Variants in GRID2 observed in about 807,000 individuals in gnomAD.
GRID2 encodes the protein glutamate receptor ionotropic, delta-2.
A neutral mutation model predicts 114.8 loss-of-function variants in GRID2; 33 were observed. The ratio of observed to expected loss-of-function variants is 0.29; its 90% CI spans 0.22 to 0.38. GRID2 has a LOEUF of 0.38. Among genes scored for constraint, GRID2 ranks in the 10% least tolerant of loss-of-function variants. The pLI, the probability that GRID2 is intolerant of heterozygous loss-of-function variation, is 1.00. For missense variants in GRID2, 1,184 were observed against 1,257.7 expected (o/e 0.94, Z 0.89); for synonymous variants, 505 against 449.9 (o/e 1.12, Z -1.55).
At chr4:92,878,398 G>T (rs748793948) in intron 2 of GRID2, among the ~76,000 whole-genome samples, 1 of 151,958 alleles carries the variant, frequency 6.6e-6, no homozygotes, top group African/African-American at 2.4e-5. Flanking sequence ...ACATTTCATC[G>T]ACTTCAATAA....
chr4:92,401,161 T>G (rs1730770478), intron 1 of GRID2, among the ~76,000 whole-genome samples: 1 of 152,178 alleles, frequency 6.6e-6, no homozygotes, highest in African/African-American at 2.4e-5. Context: ...ACAATTTGCC[T>G]AATCCAAGGT....
At chr4:92,777,785 C>A (rs1368149212) in intron 2 of GRID2, among the ~76,000 whole-genome samples, 1 of 150,460 alleles carries the variant, frequency 6.6e-6, no homozygotes, top group Non-Finnish European at 1.5e-5. Context: ...TGGCCATCTG[C>A]AAGCTGAGGG....
intron 1 of GRID2, among the ~76,000 whole-genome samples, chr4:92,348,848 A>C (rs1462713924): frequency 6.6e-6 from 1 of 152,186 alleles, no homozygotes; most frequent in African/African-American, 2.4e-5. Context: ...TATAGTAGAA[A>C]GAAATTTAAT....
At chr4:92,628,529 T>G (rs986630258) in intron 2 of GRID2, among the ~76,000 whole-genome samples, 2 of 152,106 alleles carry the variant, frequency 1.3e-5, no homozygotes, top group Admixed American at 1.3e-4. Context: ...AGCTAATTTT[T>G]TGTATTTTAG....
At chr4:93,215,786 CA>C (rs1180190017) in intron 5 of GRID2, among the ~76,000 whole-genome samples, 4 of 151,994 alleles carry the variant, frequency 2.6e-5, no homozygotes, top group Admixed American at 1.3e-4. Flanking sequence ...TGTTTTCTTT[CA>C]TTTTTTTTGT....
rs1164174149 is a variant in GRID2 at position 92,897,503 on chromosome 4, A to G, written c.245-187492A>G. 3.9e-5 allele frequency among the ~76,000 whole-genome samples: 6 copies of G among 152,028 alleles called. No individual in the cohort carries two copies. The East Asian group carries it at 1.2e-3, about 29-fold the overall frequency. On this transcript the variant is annotated intron_variant, in intron 2 of 15. Transcript: ENST00000282020. ...ATCTATTTCCCTTTTTTGTCACTCT[A>G]CTTTCTTTCAGAATCTTTCCATGCC...
At chr4:92,973,290 C>T (rs1044272160) in intron 2 of GRID2, among the ~76,000 whole-genome samples, 2 of 152,004 alleles carry the variant, frequency 1.3e-5, no homozygotes, top group Non-Finnish European at 2.9e-5. Context: ...ATTTTCCCAC[C>T]TTGATGTTTA....
intron 1 of GRID2, among the ~76,000 whole-genome samples, chr4:92,444,176 C>T (rs540315631): frequency 6.8e-4 from 103 of 152,294 alleles, no homozygotes; most frequent in Non-Finnish European, 1.3e-3. Flanking sequence ...CAAGGGAGGT[C>T]CCCCGATCCG....
intron 13 of GRID2, among the ~76,000 whole-genome samples, chr4:93,557,397 A>C (rs867120964): frequency 6.6e-6 from 1 of 152,204 alleles, no homozygotes; most frequent in African/African-American, 2.4e-5. Context: ...AGGAATATTT[A>C]CCAAGCAAAT....
chr4:92,597,453 A>G (rs1238476889), intron 2 of GRID2, among the ~76,000 whole-genome samples: 1 of 152,124 alleles, frequency 6.6e-6, no homozygotes, highest in Non-Finnish European at 1.5e-5. Flanking sequence ...TTGTGCTTCG[A>G]GGACTTTTAC....
At chr4:92,892,145 C>A (rs1422993212) in intron 2 of GRID2, among the ~76,000 whole-genome samples, 1 of 151,762 alleles carries the variant, frequency 6.6e-6, no homozygotes, top group Non-Finnish European at 1.5e-5. Context: ...CTCACTGCAA[C>A]CTCCGCCTCC....
chr4:93,793,909 A>C (rs10516944), intron 1 of GRID2, among the ~76,000 whole-genome samples: 5,927 of 152,308 alleles, frequency 0.039, 162 homozygotes, highest in Non-Finnish European at 0.061. Context: ...TGAGATTAAA[A>C]AGGGTGAAAT....
intron 2 of GRID2, among the ~76,000 whole-genome samples, chr4:92,768,108 A>G (rs1293537570): frequency 6.6e-6 from 1 of 152,184 alleles, no homozygotes; most frequent in Non-Finnish European, 1.5e-5. Flanking sequence ...TGAAAATAAA[A>G]TCTTTATCAA....
intron 13 of GRID2, among the ~76,000 whole-genome samples, chr4:93,614,142 G>A (rs1415707850): frequency 1.3e-5 from 2 of 152,170 alleles, no homozygotes; most frequent in African/African-American, 4.8e-5. Flanking sequence ...CGCTTCCCAG[G>A]TGAGGCAATG....
At chr4:93,809,798 T>G (rs751638698) in exon 2 of GRID2, 1 of 152,142 alleles carries the variant, frequency 6.6e-6, no homozygotes, top group Non-Finnish European at 1.5e-5. Context: ...GGCTATAATA[T>G]TAAAAGTTAA....
At chr4:93,117,238 A>G (rs562998626) in intron 4 of GRID2, among the ~76,000 whole-genome samples, 2 of 152,166 alleles carry the variant, frequency 1.3e-5, no homozygotes, top group African/African-American at 4.8e-5. Context: ...ATGTGTATTT[A>G]TGTTGCCTTG....
At chr4:93,688,819 T>C (rs1396369114) in intron 14 of GRID2, among the ~76,000 whole-genome samples, 1 of 152,072 alleles carries the variant, frequency 6.6e-6, no homozygotes, top group Non-Finnish European at 1.5e-5. Flanking sequence ...TCACTCATGA[T>C]CTTATAGCAA....
At chr4:92,682,176 A>T (rs1168393087) in intron 2 of GRID2, among the ~76,000 whole-genome samples, 1 of 152,278 alleles carries the variant, frequency 6.6e-6, no homozygotes, top group East Asian at 1.9e-4. Context: ...TTCAACATGA[A>T]TCTTGTTAAA....
intron 4 of GRID2, among the ~76,000 whole-genome samples, chr4:93,142,599 C>A (rs1209985852): frequency 1.3e-5 from 2 of 152,164 alleles, no homozygotes; most frequent in African/African-American, 4.8e-5. Flanking sequence ...TTGGAGATGA[C>A]ACAAACCCTC....
Sources: allele counts gnomAD v4.1 joint callset (sites outside exome capture counted in the v4.1 genomes callset), GRCh38; gene constraint gnomAD v4.1.1; transcripts MANE v1.5; gene names NCBI Gene and HGNC (gene_info 2026-07-23, HGNC 2026-07-21).